FUT9: variants seen among roughly 807,000 people sequenced by gnomAD.
FUT9 encodes the protein 4-galactosyl-N-acetylglucosaminide 3-alpha-L-fucosyltransferase 9.
In FUT9, 15 loss-of-function variants were observed where a neutral mutation model predicts 29.7. That is an observed-to-expected ratio of 0.51 (90% CI 0.34 to 0.78). The LOEUF (loss-of-function observed/expected upper bound fraction) is 0.78, where lower values mean the gene tolerates loss of function less well. Among genes scored for constraint, FUT9 ranks in the 30% least tolerant of loss-of-function variants. The pLI is 0.01. For synonymous variants in FUT9, 169 were observed against 153.7 expected, an observed-to-expected ratio of 1.10 and a Z score of -0.74; for missense variants, 319 against 425.4, an observed-to-expected ratio of 0.75 and a Z score of 2.20.
chr6:96,131,980 A>AC (rs1288153059), intron 2 of FUT9, among the ~76,000 whole-genome samples: 1 of 152,102 alleles, frequency 6.6e-6, no homozygotes, highest in Non-Finnish European at 1.5e-5. Context: ...TCTCATATGA[A>AC]CGAGTCTCAG....
intron 1 of FUT9, among the ~76,000 whole-genome samples, chr6:96,062,290 G>A (rs375973090): frequency 6.6e-6 from 1 of 151,834 alleles, no homozygotes; most frequent in Non-Finnish European, 1.5e-5. Context: ...AAAACTATAG[G>A]AAGGAAAAAG....
intron 2 of FUT9, among the ~76,000 whole-genome samples, chr6:96,144,061 A>G (rs1188256436): frequency 6.6e-6 from 1 of 152,168 alleles, no homozygotes; most frequent in East Asian, 1.9e-4. Flanking sequence ...TCTCCTGTTT[A>G]CCCTGCTCTT....
intron 1 of FUT9, among the ~76,000 whole-genome samples, chr6:96,109,782 G>C (rs189327806): frequency 6.6e-6 from 1 of 152,210 alleles, no homozygotes; most frequent in East Asian, 1.9e-4. Context: ...TTCAGATCAT[G>C]CTAGTTCCAA....
Position 96,028,033 on chromosome 6 carries a change from A to G in FUT9, c.-98+11821A>G, listed in dbSNP as rs563577201. Among the ~76,000 whole-genome samples, 5 of 151,776 alleles carry G rather than the reference A, an allele frequency of 3.3e-5. No homozygotes were observed. In the South Asian group the frequency reaches 1.0e-3, roughly 31 times the overall value. ...AAAAGGTTGGAGTGAATCAAACACA[A>G]GACAGATATGTTTTTATGGGAAGAA... On this transcript the variant is annotated intron_variant, in intron 1 of 2. Transcript: ENST00000302103.
chr6:96,025,096 A>T (rs1157633598), intron 1 of FUT9, among the ~76,000 whole-genome samples: 1 of 151,818 alleles, frequency 6.6e-6, no homozygotes, highest in Non-Finnish European at 1.5e-5. Context: ...CAAAATTCTA[A>T]TGATTCACCT....
At chr6:96,062,908 G>T (rs1770901694) in intron 1 of FUT9, among the ~76,000 whole-genome samples, 1 of 152,072 alleles carries the variant, frequency 6.6e-6, no homozygotes, top group African/African-American at 2.4e-5. Flanking sequence ...TTTAATACTG[G>T]AGAGAAAAAG....
intron 2 of FUT9, among the ~76,000 whole-genome samples, chr6:96,162,648 C>T (rs1442333898): frequency 6.6e-6 from 1 of 152,118 alleles, no homozygotes; most frequent in Non-Finnish European, 1.5e-5. Context: ...AACATAAAAC[C>T]ACACATTAAT....
intron 2 of FUT9, among the ~76,000 whole-genome samples, chr6:96,184,594 T>C (rs950611890): frequency 6.6e-6 from 1 of 152,120 alleles, no homozygotes; most frequent in African/African-American, 2.4e-5. Flanking sequence ...TTTAGAGCTA[T>C]GAACTTTCCT....
Position 96,057,717 on chromosome 6 carries a change from T to C in FUT9, c.-98+41505T>C, listed in dbSNP as rs182404425. Among the ~76,000 whole-genome samples, 139 of 152,332 alleles carry C rather than the reference T, an allele frequency of 9.1e-4. 2 individuals carry two copies. The highest frequency in any genetic ancestry group is 3.3e-3 in the South Asian group (16 of 4,832). Reference sequence around the variant, plus strand: ...GAGCACAGAACGAAGAGCAATCTTATATGCATAGGAGCCTGCTGTTGGAGA... The same window carrying C: ...GAGCACAGAACGAAGAGCAATCTTACATGCATAGGAGCCTGCTGTTGGAGA... On this transcript the variant is annotated intron_variant, in intron 1 of 2. Transcript: ENST00000302103.
At chr6:96,090,519 A>T (rs1346599821) in intron 1 of FUT9, among the ~76,000 whole-genome samples, 1 of 151,960 alleles carries the variant, frequency 6.6e-6, no homozygotes, top group African/African-American at 2.4e-5. Flanking sequence ...TAGTAAAATA[A>T]AACTGAAATT....
chr6:96,163,128 C>T (rs1370025208), intron 2 of FUT9, among the ~76,000 whole-genome samples: 1 of 152,176 alleles, frequency 6.6e-6, no homozygotes, highest in Non-Finnish European at 1.5e-5. Flanking sequence ...ACAAGTTTCT[C>T]ACTCTCATCC....
rs1432985761 is a variant in FUT9 at position 96,149,836 on chromosome 6, C to A, written c.-9+35709C>A. Among the ~76,000 whole-genome samples the A allele has an allele frequency of 2.0e-5, 3 of 152,162 alleles. No homozygotes were observed. In the East Asian group the frequency reaches 5.8e-4, roughly 29 times the overall value. On this transcript the variant is annotated intron_variant, in intron 2 of 2. Transcript: ENST00000302103. Reference sequence around the variant, plus strand: ...CCATCACCTTAAGCTTTTATCATTTCTTTGTGTTAGGAACATTTCAATTCC... The same window carrying A: ...CCATCACCTTAAGCTTTTATCATTTATTTGTGTTAGGAACATTTCAATTCC...
intron 2 of FUT9, among the ~76,000 whole-genome samples, chr6:96,195,871 A>G (rs1389196813): frequency 1.3e-5 from 2 of 152,178 alleles, no homozygotes; most frequent in Non-Finnish European, 2.9e-5. Context: ...GAAGATCACA[A>G]TGATTATATG....
intron 2 of FUT9, among the ~76,000 whole-genome samples, chr6:96,185,055 C>A (rs1773380417): frequency 6.6e-6 from 1 of 152,012 alleles, no homozygotes; most frequent in African/African-American, 2.4e-5. Context: ...AGGCCACCAA[C>A]CTTCCTTCCC....
At chr6:96,073,258 G>C (rs768916749) in intron 1 of FUT9, among the ~76,000 whole-genome samples, 2 of 152,014 alleles carry the variant, frequency 1.3e-5, no homozygotes, top group Non-Finnish European at 2.9e-5. Context: ...AGACCAGCCT[G>C]GTCAATATGG....
intron 1 of FUT9, among the ~76,000 whole-genome samples, chr6:96,017,917 T>A (rs1252920233): frequency 1.3e-5 from 2 of 152,310 alleles, no homozygotes; most frequent in East Asian, 3.9e-4. Context: ...TGTTAGTTAA[T>A]ATTGCCTTAA....
At chr6:96,031,233 G>A (rs1488559384) in intron 1 of FUT9, among the ~76,000 whole-genome samples, 1 of 151,510 alleles carries the variant, frequency 6.6e-6, no homozygotes, top group Non-Finnish European at 1.5e-5. Context: ...ACATTTGAGT[G>A]TATGTGTGTA....
intron 1 of FUT9, among the ~76,000 whole-genome samples, chr6:96,072,114 C>A (rs1339971813): frequency 6.6e-6 from 1 of 152,012 alleles, no homozygotes; most frequent in Non-Finnish European, 1.5e-5. Flanking sequence ...GAAATAGGTT[C>A]TATTATAGAC....
At chr6:96,139,280 G>A (rs1772416404) in intron 2 of FUT9, among the ~76,000 whole-genome samples, 1 of 152,132 alleles carries the variant, frequency 6.6e-6, no homozygotes, top group Non-Finnish European at 1.5e-5. Context: ...TTGACTCCAT[G>A]TCTCAAATCC....
Sources: gnomAD v4.1 joint callset for allele counts (sites outside exome capture counted in the v4.1 genomes callset) on GRCh38, gnomAD v4.1.1 for gene constraint, MANE v1.5 for transcripts, NCBI Gene and HGNC (gene_info 2026-07-23, HGNC 2026-07-21) for gene names.